Variants in DLG3 observed in about 807,000 individuals in gnomAD.
DLG3 encodes discs large MAGUK scaffold protein 3.
In DLG3, 1 loss-of-function variant was observed where a neutral mutation model predicts 64.1. The observed-to-expected ratio is 0.02, with a 90% CI of 0.01 to 0.07. DLG3 has a LOEUF of 0.07. DLG3 is among the 10% of genes least tolerant of loss of function. The pLI, the probability that DLG3 is intolerant of heterozygous loss-of-function variation, is 1.00. For missense variants in DLG3, 429 were observed against 669.5 expected, an observed-to-expected ratio of 0.64 and a Z score of 3.96; for synonymous variants, 245 against 259.8, an observed-to-expected ratio of 0.94 and a Z score of 0.55.
intron 1 of DLG3, among the ~76,000 whole-genome samples, chrX:70,445,881 G>C (rs2086561764): frequency 2.1e-5 from 2 of 97,523 alleles, no homozygotes; most frequent in South Asian, 1.1e-3. Flanking sequence ...CAGGGGGCGG[G>C]AGGTTCTGCG....
rs756585636 is a variant in DLG3 at position 70,471,331 on chromosome X, CT to C, written c.1406-7803del. Among the ~76,000 whole-genome samples the C allele has an allele frequency of 1.5e-3, 153 of 100,608 alleles. 1 individual carries two copies. Among genetic ancestry groups the C allele is most frequent in the Middle Eastern group, 5.2e-3 (1 of 192 alleles). The allele number at this position is 100,608 out of a possible 115,157, so 87.4% of individuals were successfully genotyped here. On this transcript the variant is annotated intron_variant, in intron 9 of 18. Coordinates refer to ENST00000374360, the MANE Select transcript of DLG3 (RefSeq NM_021120.4). Reference sequence around the variant, plus strand: ...AACATTTAGCCTGGAGAAGACATAACTTTTTTTTTTTTTTTTGAGACGGAGT... The same window carrying C: ...AACATTTAGCCTGGAGAAGACATAACTTTTTTTTTTTTTTTGAGACGGAGT...
At chrX:70,452,569 C>A in intron 7 of DLG3, 1 of 1,167,078 alleles carries the variant, frequency 8.6e-7, no homozygotes, top group Non-Finnish European at 1.1e-6. Context: ...GGCTGGCGGG[C>A]AGGCAGCAGT....
At chrX:70,456,478 T>C (rs1267556101) in intron 9 of DLG3, among the ~76,000 whole-genome samples, 1 of 112,150 alleles carries the variant, frequency 8.9e-6, no homozygotes, top group African/African-American at 3.2e-5. Flanking sequence ...TTCTATGACT[T>C]GTTAGGGGAA....
chrX:70,455,394 G>A, intron 9 of DLG3: 2 of 724,256 alleles, frequency 2.8e-6, no homozygotes, highest in Non-Finnish European at 3.3e-6. Context: ...TTCGTTGCGT[G>A]CCCCCAGGCT....
At chrX:70,447,254 T>C (rs778796176) in intron 1 of DLG3, among the ~76,000 whole-genome samples, 13 of 111,233 alleles carry the variant, frequency 1.2e-4, no homozygotes, top group Non-Finnish European at 2.1e-4. Flanking sequence ...TGGGTACCAC[T>C]GGGGCTGGGC....
At position 70,453,652 on chromosome X, in the gene DLG3, C is replaced by T. The variant is rs1299853430; in HGVS notation, c.1161C>T (p.Ile387=). 2 of 1,209,631 alleles carry T rather than the reference C, an allele frequency of 1.7e-6. No individual in the cohort carries two copies. Among genetic ancestry groups the T allele is most frequent in the Admixed American group, 4.4e-5 (2 of 45,924 alleles). ...EEDFTREPRK[I]ILHKGSTGLG... Reference sequence around the variant, plus strand: ...TTCCCACCAGAGAGCCTCGCAAGATCATCCTGCACAAAGGCTCCACAGGCC... The same window carrying T: ...TTCCCACCAGAGAGCCTCGCAAGATTATCCTGCACAAAGGCTCCACAGGCC... Residue 387 remains isoleucine (I), a synonymous_variant, in exon 8 of 19, where the codon ATC becomes ATT. Coordinates refer to ENST00000374360, the MANE Select transcript of DLG3 (RefSeq NM_021120.4).
intron 9 of DLG3, among the ~76,000 whole-genome samples, chrX:70,460,966 C>T (rs758281248): frequency 8.9e-6 from 1 of 112,156 alleles, no homozygotes; most frequent in South Asian, 3.7e-4. Context: ...TATTGTTTAT[C>T]GGTTGATGGA....
intron 5 of DLG3, 50 bp downstream of exon 5, chrX:70,450,355 G>A: frequency 4.3e-6 from 5 of 1,149,954 alleles, no homozygotes; most frequent in Non-Finnish European, 5.8e-6. Context: ...GGGAGGAGGA[G>A]CTCCAGTACC....
At position 70,499,840 on chromosome X, in the gene DLG3, G is replaced by A. The variant is rs529012193; in HGVS notation, c.1973-37G>A. On this transcript the variant is annotated intron_variant, in intron 15 of 18. Coordinates refer to ENST00000374360, the MANE Select transcript of DLG3 (RefSeq NM_021120.4). ...ATTTTTTGGTTTGGGGCGGATCACT[G>A]CCCCTGGGCCACAAAGCATTTCCTT... is the stretch of plus-strand genomic sequence containing the variant. 6 of 1,187,160 alleles carry A rather than the reference G, an allele frequency of 5.1e-6. No individual in the cohort carries two copies. The Admixed American group carries it at 1.4e-4, about 28-fold the overall frequency.
chrX:70,455,513 C>G (rs1193669513), intron 9 of DLG3, among the ~76,000 whole-genome samples: 2 of 109,884 alleles, frequency 1.8e-5, no homozygotes, highest in African/African-American at 6.6e-5. Context: ...TCACCTCTCC[C>G]CCACAGCGAG....
chrX:70,494,944 G>A (rs1218091501), intron 12 of DLG3, among the ~76,000 whole-genome samples: 3 of 112,480 alleles, frequency 2.7e-5, no homozygotes, highest in Admixed American at 9.4e-5. Flanking sequence ...GGCACACGCG[G>A]ACATTTGCTC....
intron 2 of DLG3, 112 bp from the exon 3 acceptor site, chrX:70,449,247 C>A: frequency 9.3e-7 from 1 of 1,073,024 alleles, no homozygotes; most frequent in South Asian, 1.9e-5. Context: ...TGCCATGGCC[C>A]CTTCTGAGGC....
rs1204840166 is a variant in DLG3, at chrX:70,445,577, G to A, written c.357+19G>A. On this transcript the variant is annotated intron_variant, in intron 1 of 18. Coordinates refer to ENST00000374360, the MANE Select transcript of DLG3 (RefSeq NM_021120.4). ...TGAGCAGGTATGGACCAGCGGAGGG[G>A]GGAGCGGTGGGGCAACCCAGGAGGG... The A allele has an allele frequency of 1.7e-6, 2 of 1,161,586 alleles. No individual in the cohort carries two copies. Among genetic ancestry groups the A allele is most frequent in the South Asian group, 3.8e-5 (2 of 52,884 alleles).
chrX:70,456,502 C>G (rs925468682), intron 9 of DLG3, among the ~76,000 whole-genome samples: 1 of 112,148 alleles, frequency 8.9e-6, no homozygotes, highest in African/African-American at 3.2e-5. Context: ...AACTGGCTTG[C>G]ATAAAAAGCT....
intron 9 of DLG3, among the ~76,000 whole-genome samples, chrX:70,471,319 G>A (rs995594431): frequency 9.1e-6 from 1 of 110,336 alleles, no homozygotes; most frequent in African/African-American, 3.3e-5. Flanking sequence ...ATTTAGCCTG[G>A]AGAAGACATA....
intron 10 of DLG3, among the ~76,000 whole-genome samples, chrX:70,480,660 A>G (rs2087137341): frequency 8.9e-6 from 1 of 112,181 alleles, no homozygotes; most frequent in Non-Finnish European, 1.9e-5. Context: ...GAAATCAGAA[A>G]TGCACTGTCG....
chrX:70,482,660 GTGTT>G (rs2087177224), intron 10 of DLG3, among the ~76,000 whole-genome samples: 2 of 69,250 alleles, frequency 2.9e-5, no homozygotes, highest in South Asian at 6.8e-4. Flanking sequence ...TACATGTGTG[GTGTT>G]TTTTTTTTTT....
At chrX:70,451,126 G>A (rs1044581536) in intron 6 of DLG3, 46 of 259,018 alleles carry the variant, frequency 1.8e-4, no homozygotes, top group Non-Finnish European at 2.5e-4. Context: ...TGTTTGAGAC[G>A]GAGTCTTGCT....
chrX:70,499,237 G>T lies in DLG3; in HGVS notation c.1932G>T (p.Leu644=), dbSNP rs1307163417. The T allele has an allele frequency of 6.6e-6, 8 of 1,210,825 alleles. No homozygotes were observed. Among genetic ancestry groups the T allele is most frequent in the Non-Finnish European group, 8.9e-6 (8 of 894,917 alleles). Residue 644 remains leucine (L), a synonymous_variant, in exon 15 of 19, where the codon CTG becomes CTT. Transcript: ENST00000374360. ...GPMKDRVNDD[L]ISEFPHKFGS... ...TGAAGGACCGAGTCAATGATGACCT[G>T]ATCTCCGAATTTCCACATAAATTTG...
Sources: gnomAD v4.1 joint callset for allele counts (sites outside exome capture counted in the v4.1 genomes callset) on GRCh38, gnomAD v4.1.1 for gene constraint, MANE v1.5 for transcripts, NCBI Gene and HGNC (gene_info 2026-07-23, HGNC 2026-07-21) for gene names.